The following UBE2O variants were observed in gnomAD, a reference collection of about 807,000 sequenced individuals.
The protein encoded by UBE2O is ubiquitin conjugating enzyme E2 O, also known as (E3-independent) E2 ubiquitin-conjugating enzyme.
UBE2O carries 15 observed loss-of-function variants against 125.8 expected under a neutral mutation model. The observed-to-expected ratio is 0.12, with a 90% CI of 0.08 to 0.18. The LOEUF is 0.18. Among genes scored for constraint, UBE2O ranks in the 10% least tolerant of loss-of-function variants. The pLI is 1.00. For synonymous variants in UBE2O, 708 were observed against 703.2 expected (o/e 1.01, Z -0.11); for missense variants, 1,280 against 1,723.6 (o/e 0.74, Z 4.56).
At chr17:76,439,304 C>A (rs879131350) in intron 1 of UBE2O, among the ~76,000 whole-genome samples, 4 of 152,204 alleles carry the variant, frequency 2.6e-5, no homozygotes, top group Non-Finnish European at 5.9e-5. Flanking sequence ...TGCAGCCTCG[C>A]CTGCCAGCAC....
chr17:76,425,121 T>G (rs2072785478), intron 1 of UBE2O, among the ~76,000 whole-genome samples: 1 of 150,834 alleles, frequency 6.6e-6, no homozygotes, highest in Non-Finnish European at 1.5e-5. Context: ...TCCACCCGTC[T>G]GGGCCTCCTG....
Position 76,390,779 on chromosome 17 carries a change from AAC to A in UBE2O, c.*162_*163del. ...TTCAAAATAGAAACGGCAGCATCTC[AAC>A]ACACTTCTTGCACTTCAGCATCAAA... On this transcript the variant is annotated 3_prime_UTR_variant, in exon 18 of 18. Coordinates refer to ENST00000319380, the MANE Select transcript of UBE2O (RefSeq NM_022066.4). 1.5e-6 allele frequency: 1 copy of A among 649,050 alleles called. No homozygotes were observed. Among genetic ancestry groups the A allele is most frequent in the South Asian group, 2.5e-5 (1 of 40,484 alleles). 40.2% of individuals were successfully genotyped at this position (649,050 alleles called of 1,614,324 possible). A position where few individuals can be genotyped will look rare whatever the true frequency, so the allele number is the denominator to read the frequency against.
chr17:76,443,999 T>A (rs1471879921), intron 1 of UBE2O, among the ~76,000 whole-genome samples: 1 of 152,130 alleles, frequency 6.6e-6, no homozygotes, highest in Non-Finnish European at 1.5e-5. Flanking sequence ...GGCGGATGGA[T>A]CACCTGAGGT....
At position 76,395,698 on chromosome 17, in the gene UBE2O, G is replaced by A. The variant is rs779668642; in HGVS notation, c.2946+27C>T. 15 of 1,607,786 alleles carry A rather than the reference G, an allele frequency of 9.3e-6. No individual in the cohort carries two copies. In the African/African-American group the frequency reaches 9.4e-5, roughly 10 times the overall value. On this transcript the variant is annotated intron_variant, in intron 15 of 17. Coordinates refer to ENST00000319380, the MANE Select transcript of UBE2O (RefSeq NM_022066.4). The surrounding 1 kb of genome is among the most constrained non-coding windows in gnomAD (Gnocchi z 5.0). ...CACTGGGTGCCCACACAGCACATCTGCACCTGCCCATGCCAAGCCTACTTG... is the reference window on the plus strand; with the variant it reads ...CACTGGGTGCCCACACAGCACATCTACACCTGCCCATGCCAAGCCTACTTG...
intron 1 of UBE2O, among the ~76,000 whole-genome samples, chr17:76,413,169 A>C (rs2072545182): frequency 6.6e-6 from 1 of 152,182 alleles, no homozygotes; most frequent in African/African-American, 2.4e-5. Flanking sequence ...TAAGGTACAC[A>C]TATGGTCTTT....
Position 76,398,562 on chromosome 17 carries a change from A to G in UBE2O, c.1806T>C (p.Ala602=), listed in dbSNP as rs1369923390. 1.2e-6 allele frequency: 2 copies of G among 1,614,116 alleles called. No individual in the cohort carries two copies. The highest frequency in any genetic ancestry group is 1.7e-6 in the Non-Finnish European group (2 of 1,180,022). ...DKRVQSCPDP[A]VYGVVQSGDH... Reference sequence around the variant, plus strand: ...CCCCAGACTGTACCACACCGTAGACAGCAGGGTCTGGACAGCTCTGGACTA... The same window carrying G: ...CCCCAGACTGTACCACACCGTAGACGGCAGGGTCTGGACAGCTCTGGACTA... Residue 602 remains alanine (A), a synonymous_variant, in exon 11 of 18, where the codon GCT becomes GCC. Transcript: ENST00000319380. The surrounding 1 kb of genome is among the most constrained non-coding windows in gnomAD (Gnocchi z 5.4).
In UBE2O at chr17:76,395,696, C is replaced by A; in HGVS notation, c.2946+29G>T. The stretch of plus-strand genomic sequence containing the variant: ...GGCACTGGGTGCCCACACAGCACAT[C>A]TGCACCTGCCCATGCCAAGCCTACT... On this transcript the variant is annotated intron_variant, in intron 15 of 17. Coordinates refer to ENST00000319380, the MANE Select transcript of UBE2O (RefSeq NM_022066.4). This position sits in a 1 kb window ranked among gnomAD's most constrained non-coding sequence, Gnocchi z 5.0. The A allele has an allele frequency of 1.9e-6, 3 of 1,606,456 alleles. No homozygotes were observed. Among genetic ancestry groups the A allele is most frequent in the Non-Finnish European group, 8.5e-7 (1 of 1,176,278 alleles).
chr17:76,426,988 T>C (rs1057503967), intron 1 of UBE2O, among the ~76,000 whole-genome samples: 1 of 152,184 alleles, frequency 6.6e-6, no homozygotes, highest in Admixed American at 6.5e-5. Context: ...TGCTGAAAAC[T>C]AAGCCAACAA....
chr17:76,402,688 A>G lies in UBE2O; in HGVS notation c.600T>C (p.Tyr200=), dbSNP rs368379476. Residue 200 remains tyrosine (Y), a synonymous_variant, in exon 4 of 18, where the codon TAT becomes TAC. Transcript: ENST00000319380. The surrounding 1 kb of genome is among the most constrained non-coding windows in gnomAD (Gnocchi z 5.4). ...KDLQHIWPFM[Y]GDYIAYDCWL... ...AGCAGTCATAGGCAATGTAGTCCCC[A>G]TACATGAAGGGCTGCAGACCAAGGA... 2.5e-6 allele frequency: 4 copies of G among 1,613,964 alleles called. No homozygotes were observed. The African/African-American group carries it at 5.3e-5, about 22-fold the overall frequency.
At chr17:76,425,241 A>G (rs1484757655) in intron 1 of UBE2O, among the ~76,000 whole-genome samples, 1 of 139,442 alleles carries the variant, frequency 7.2e-6, no homozygotes. Context: ...AAAAAAAAAA[A>G]AAAAAAAAAG....
Position 76,400,424 on chromosome 17 carries a change from A to G in UBE2O, c.1004+17T>C, listed in dbSNP as rs199702344. ...CCACGCGTGCCCCTGGGTTGCTGGC[A>G]GTAAGGGCATGCTTACCTGCCTAGG... is the stretch of plus-strand genomic sequence containing the variant. On this transcript the variant is annotated intron_variant, in intron 7 of 17. Coordinates refer to ENST00000319380, the MANE Select transcript of UBE2O (RefSeq NM_022066.4). The surrounding 1 kb of genome is among the most constrained non-coding windows in gnomAD (Gnocchi z 4.3). 1 of 1,605,860 alleles carries G rather than the reference A, an allele frequency of 6.2e-7. No homozygotes were observed. The highest frequency in any genetic ancestry group is 1.3e-5 in the African/African-American group (1 of 74,872).
chr17:76,447,280 C>T (rs1381222679), intron 1 of UBE2O, among the ~76,000 whole-genome samples: 3 of 152,188 alleles, frequency 2.0e-5, no homozygotes, highest in Admixed American at 2.0e-4. Flanking sequence ...TATTCAGATT[C>T]CTCCACTTAG....
At chr17:76,424,203 C>T (rs1295076505) in intron 1 of UBE2O, among the ~76,000 whole-genome samples, 10 of 126,998 alleles carry the variant, frequency 7.9e-5, no homozygotes, top group Non-Finnish European at 1.4e-4. Context: ...CCACCGCGCC[C>T]GGCCTTTTTT....
At chr17:76,430,916 T>G (rs2072896457) in intron 1 of UBE2O, 2 of 402,026 alleles carry the variant, frequency 5.0e-6, no homozygotes, top group Admixed American at 2.8e-5. Flanking sequence ...CATCCTAGCC[T>G]TTCAAATTTC....
At chr17:76,450,939 CA>C (rs927017179) in intron 1 of UBE2O, among the ~76,000 whole-genome samples, 1 of 152,164 alleles carries the variant, frequency 6.6e-6, no homozygotes, top group African/African-American at 2.4e-5. Context: ...GATTTAACTC[CA>C]AAATAGGTAT....
In UBE2O at chr17:76,399,809, G is replaced by A. The variant is rs2072285254; in HGVS notation, c.1268C>T (p.Thr423Ile). ...GCTGGCAGACTCCGCTTCGCTCTTG[G>A]TTTTGGATTCCCCCTTCTTGTCTGG... ...EDPDKKGESK[T>I]KSEAESASPE... is the part of the protein sequence containing the mutation. Residue 423 changes from threonine to isoleucine, a missense_variant, in exon 9 of 18, where the codon ACC becomes ATC. Around this residue, in one of 10 missense-constraint regions of UBE2O, gnomAD observed 141 missense variants for 141.3 expected, o/e 1.00. Transcript: ENST00000319380. The surrounding 1 kb of genome is among the most constrained non-coding windows in gnomAD (Gnocchi z 6.9). 1 of 1,614,202 alleles carries A rather than the reference G, an allele frequency of 6.2e-7. No individual in the cohort carries two copies.
intron 1 of UBE2O, among the ~76,000 whole-genome samples, chr17:76,427,992 T>C (rs1279371008): frequency 2.0e-5 from 3 of 152,256 alleles, no homozygotes; most frequent in Non-Finnish European, 4.4e-5. Flanking sequence ...TACTCTGCTC[T>C]GGCTTTATAT....
chr17:76,406,269 A>C (rs1482844424), intron 1 of UBE2O, among the ~76,000 whole-genome samples: 1 of 152,212 alleles, frequency 6.6e-6, no homozygotes, highest in Non-Finnish European at 1.5e-5. Flanking sequence ...CCAAAAGCCC[A>C]GGCACGTGAT....
chr17:76,449,111 G>A (rs540489786), intron 1 of UBE2O, among the ~76,000 whole-genome samples: 11 of 152,364 alleles, frequency 7.2e-5, no homozygotes, highest in South Asian at 2.1e-4. Flanking sequence ...AAGGCAGCAG[G>A]GAAAGGACAT....
Sources: gnomAD v4.1 joint callset for allele counts (sites outside exome capture counted in the v4.1 genomes callset) on GRCh38, gnomAD v4.1.1 for gene constraint, gnomAD v4.1.1 regional missense constraint, Gnocchi (gnomAD v3.1) non-coding constraint, MANE v1.5 for transcripts, NCBI Gene and HGNC (gene_info 2026-07-23, HGNC 2026-07-21) for gene names.